Variants in KIAA0232 observed in about 807,000 individuals in gnomAD.
The protein encoded by KIAA0232 is uncharacterized protein KIAA0232.
A neutral mutation model predicts 122.0 loss-of-function variants in KIAA0232; 27 were observed. The observed-to-expected ratio is 0.22, with a 90% CI of 0.16 to 0.31. The LOEUF (loss-of-function observed/expected upper bound fraction) is 0.31. Among genes scored for constraint, KIAA0232 ranks in the 10% least tolerant of loss-of-function variants. KIAA0232 has a pLI of 1.00. For synonymous variants in KIAA0232, 613 were observed against 587.6 expected (o/e 1.04, Z -0.63); for missense variants, 1,551 against 1,634.2 (o/e 0.95, Z 0.88).
intron 1 of KIAA0232, among the ~76,000 whole-genome samples, chr4:6,796,717 T>C (rs1044906873): frequency 3.3e-5 from 5 of 152,246 alleles, no homozygotes; most frequent in African/African-American, 1.2e-4. Flanking sequence ...CACGGTTTTC[T>C]TTCAGCTTGT....
chr4:6,815,463 C>T (rs1011277463), intron 2 of KIAA0232, among the ~76,000 whole-genome samples: 6 of 152,118 alleles, frequency 3.9e-5, no homozygotes, highest in African/African-American at 1.2e-4. Flanking sequence ...GCTTAGTGCC[C>T]GGTATTCTGT....
intron 1 of KIAA0232, among the ~76,000 whole-genome samples, chr4:6,787,708 C>G (rs1319894144): frequency 6.6e-6 from 1 of 152,182 alleles, no homozygotes; most frequent in African/African-American, 2.4e-5. Flanking sequence ...TTACTGTAGT[C>G]CTCCAACTGG....
intron 1 of KIAA0232, among the ~76,000 whole-genome samples, chr4:6,792,682 TTTTTTTTTTTTTG>T (rs950426664): frequency 1.2e-4 from 14 of 120,016 alleles, no homozygotes; most frequent in Middle Eastern, 4.3e-3. Context: ...TAGTCTTAGG[TTTTTTTTTTTTTG>T]TTTTTTTTTT....
In KIAA0232 at chr4:6,864,200, T is replaced by C. The variant is rs780840331; in HGVS notation, c.3801+17T>C. ...CTGGAAGAGGTATGTGTCTGCGTGT[T>C]GGTATTTGACAAAAGGATTTGATCA... On this transcript the variant is annotated intron_variant, in intron 7 of 9. Coordinates refer to ENST00000307659, the MANE Select transcript of KIAA0232 (RefSeq NM_014743.3). The C allele has an allele frequency of 1.5e-5, 23 of 1,582,968 alleles. No individual in the cohort carries two copies. Among genetic ancestry groups the C allele is most frequent in the Non-Finnish European group, 1.9e-5 (22 of 1,165,292 alleles).
At chr4:6,816,525 A>G (rs1251017222) in intron 2 of KIAA0232, among the ~76,000 whole-genome samples, 4 of 151,706 alleles carry the variant, frequency 2.6e-5, no homozygotes, top group East Asian at 3.9e-4. Flanking sequence ...CTCGTGATCC[A>G]CCCGCCTCGG....
intron 1 of KIAA0232, among the ~76,000 whole-genome samples, chr4:6,783,333 G>A (rs1420747803): frequency 6.6e-6 from 1 of 152,250 alleles, no homozygotes; most frequent in African/African-American, 2.4e-5. Flanking sequence ...TGTGGACGAT[G>A]AGTCCGCACA....
chr4:6,827,233 C>T (rs191397228), intron 3 of KIAA0232, among the ~76,000 whole-genome samples: 120 of 152,276 alleles, frequency 7.9e-4, no homozygotes, highest in Admixed American at 3.7e-3. Context: ...ATTGCTTTTC[C>T]GTGAAGTTAC....
At position 6,860,824 on chromosome 4, in the gene KIAA0232, T is replaced by G. The variant is rs1720811306; in HGVS notation, c.519-77T>G. The G allele has an allele frequency of 1.2e-5, 14 of 1,212,658 alleles. No homozygotes were observed. The South Asian group carries it at 2.0e-4, about 17-fold the overall frequency. The allele number at this position is 1,212,658 out of a possible 1,614,324, so 75.1% of individuals were successfully genotyped here. ...CTACTAAAATGAAATATTCCATTCT[T>G]CTGGTTGGTAATGTTGTTTTACTGT... On this transcript the variant is annotated intron_variant, in intron 6 of 9. Coordinates refer to ENST00000307659, the MANE Select transcript of KIAA0232 (RefSeq NM_014743.3).
intron 4 of KIAA0232, among the ~76,000 whole-genome samples, chr4:6,852,511 C>T (rs1720346021): frequency 6.6e-6 from 1 of 152,068 alleles, no homozygotes; most frequent in African/African-American, 2.4e-5. Flanking sequence ...GTTGGGTTTC[C>T]TACCACTAAT....
At position 6,842,021 on chromosome 4, in the gene KIAA0232, G is replaced by C; in HGVS notation, c.232-46G>C. On this transcript the variant is annotated intron_variant, in intron 3 of 9. Transcript: ENST00000307659. The stretch of plus-strand genomic sequence containing the variant: ...TGTGTGGTAGGTGGAACATAGTAGT[G>C]TCCAAGTTAGCCCTGGTCATTTAAC... 1.9e-6 allele frequency: 3 copies of C among 1,607,796 alleles called. No homozygotes were observed. In the South Asian group the frequency reaches 3.3e-5, roughly 18 times the overall value.
intron 2 of KIAA0232, among the ~76,000 whole-genome samples, chr4:6,808,489 G>C (rs1717737181): frequency 6.7e-6 from 1 of 148,300 alleles, no homozygotes; most frequent in South Asian, 2.2e-4. Context: ...AGATCAAAGG[G>C]AATGGTAGAG....
At chr4:6,840,611 T>C (rs1719596751) in intron 3 of KIAA0232, among the ~76,000 whole-genome samples, 1 of 152,224 alleles carries the variant, frequency 6.6e-6, no homozygotes, top group South Asian at 2.1e-4. Flanking sequence ...GCTGGGGAGT[T>C]CCTTAGTTGT....
chr4:6,821,141 G>C (rs961886500), intron 2 of KIAA0232, among the ~76,000 whole-genome samples: 1 of 152,158 alleles, frequency 6.6e-6, no homozygotes, highest in African/African-American at 2.4e-5. Context: ...ATTTGCTGGC[G>C]ATAAATTCCT....
Position 6,880,931 on chromosome 4 carries a change from A to C in KIAA0232, c.4153A>C (p.Ser1385Arg), listed in dbSNP as rs1577427449. 6.3e-7 allele frequency: 1 copy of C among 1,581,136 alleles called. No individual in the cohort carries two copies. The highest frequency in any genetic ancestry group is 8.6e-7 in the Non-Finnish European group (1 of 1,162,890). The change falls in exon 10 of 10, where the codon AGT (serine) becomes CGT (arginine). Residue 1385 changes from serine to arginine, a missense_variant. Coordinates refer to ENST00000307659, the MANE Select transcript of KIAA0232 (RefSeq NM_014743.3). ...AGGCGGAGGCGAGTGGGTGGGCCCT[A>C]GTGAAGAGGAGCTCTTTTCTCGAAC... Reference protein sequence around the residue: ...SEGGGEWVGPSEEELFSRTHL With the variant: ...SEGGGEWVGPREEELFSRTHL
intron 3 of KIAA0232, among the ~76,000 whole-genome samples, chr4:6,833,693 A>G (rs1719115318): frequency 6.6e-6 from 1 of 152,212 alleles, no homozygotes; most frequent in Non-Finnish European, 1.5e-5. Flanking sequence ...ATGGAAGAGT[A>G]TATACATGCC....
chr4:6,878,664 T>C (rs1428341366), intron 9 of KIAA0232, among the ~76,000 whole-genome samples: 1 of 152,180 alleles, frequency 6.6e-6, no homozygotes, highest in Non-Finnish European at 1.5e-5. Context: ...TGTGGTTTTT[T>C]CCCGGTGGAG....
intron 3 of KIAA0232, among the ~76,000 whole-genome samples, chr4:6,830,358 A>G (rs1473466677): frequency 6.6e-6 from 1 of 151,438 alleles, no homozygotes; most frequent in Non-Finnish European, 1.5e-5. Context: ...TCCAGGGCCT[A>G]CAGTAAAATC....
chr4:6,840,776 C>T (rs1719609069), intron 3 of KIAA0232, among the ~76,000 whole-genome samples: 1 of 151,558 alleles, frequency 6.6e-6, no homozygotes, highest in East Asian at 1.9e-4. Flanking sequence ...CCTCTGCCTC[C>T]CAAAGTGCTG....
intron 1 of KIAA0232, among the ~76,000 whole-genome samples, chr4:6,783,162 G>C (rs28667609): frequency 0.71 from 108,296 of 151,678 alleles, 39,422 homozygotes; most frequent in Middle Eastern, 0.8. Flanking sequence ...GCCTAAGGGA[G>C]ACCGGGCCGC....
Sources: allele counts gnomAD v4.1 joint callset (sites outside exome capture counted in the v4.1 genomes callset), GRCh38; gene constraint gnomAD v4.1.1; transcripts MANE v1.5; gene names NCBI Gene and HGNC (gene_info 2026-07-23, HGNC 2026-07-21).